The following DNAJC12 variants were observed in gnomAD, a reference collection of about 807,000 sequenced individuals.
The protein encoded by DNAJC12 is dnaJ homolog subfamily C member 12.
DNAJC12 carries 25 observed loss-of-function variants against 28.5 expected under a neutral mutation model. The observed-to-expected ratio is 0.88, with a 90% confidence interval of 0.64 to 1.22. DNAJC12 has a LOEUF of 1.22. Among genes scored for constraint, DNAJC12 ranks in the 50% most tolerant of loss-of-function variants. The probability of loss-of-function intolerance (pLI) is 0.00; values close to 1 mark genes in which losing one functional copy is unlikely to be tolerated. For synonymous variants in DNAJC12, 77 were observed against 80.6 expected, an observed-to-expected ratio of 0.95 and a Z score of 0.24; for missense variants, 222 against 231.7, an observed-to-expected ratio of 0.96 and a Z score of 0.27.
At chr10:67,829,382 T>C (rs1375153315) in intron 1 of DNAJC12, among the ~76,000 whole-genome samples, 1 of 152,180 alleles carries the variant, frequency 6.6e-6, no homozygotes, top group African/African-American at 2.4e-5. Context: ...GGCTCACGCT[T>C]GTAATCCCAG....
intron 1 of DNAJC12, among the ~76,000 whole-genome samples, chr10:67,829,843 T>C (rs1439403098): frequency 6.6e-6 from 1 of 152,056 alleles, no homozygotes; most frequent in Non-Finnish European, 1.5e-5. Context: ...CATAAAAGAT[T>C]TTTAACAACC....
At chr10:67,834,583 C>T (rs986819615) in intron 1 of DNAJC12, among the ~76,000 whole-genome samples, 11 of 152,222 alleles carry the variant, frequency 7.2e-5, no homozygotes, top group Non-Finnish European at 1.5e-4. Flanking sequence ...AATCCCAACA[C>T]TTTGGGAGGC....
At chr10:67,800,633 C>T (rs1341281656) in intron 4 of DNAJC12, among the ~76,000 whole-genome samples, 3 of 152,118 alleles carry the variant, frequency 2.0e-5, no homozygotes, top group Non-Finnish European at 4.4e-5. Context: ...GGCAGCACAC[C>T]AAAATCATTG....
At chr10:67,823,914 A>T (rs959175705) in intron 1 of DNAJC12, among the ~76,000 whole-genome samples, 17 of 152,294 alleles carry the variant, frequency 1.1e-4, no homozygotes, top group African/African-American at 3.8e-4. Flanking sequence ...AATTTAAATG[A>T]TGGCCCAAGA....
intron 1 of DNAJC12, among the ~76,000 whole-genome samples, chr10:67,836,579 G>T (rs552364314): frequency 1.2e-4 from 18 of 152,148 alleles, no homozygotes; most frequent in African/African-American, 4.1e-4. Context: ...ATGGTAATAA[G>T]CTTTCTCAAT....
chr10:67,808,201 A>G (rs543642391), intron 3 of DNAJC12, among the ~76,000 whole-genome samples: 101 of 152,354 alleles, frequency 6.6e-4, no homozygotes, highest in Non-Finnish European at 1.2e-3. Flanking sequence ...ATCAGCATCA[A>G]TAAAAGATAT....
intron 3 of DNAJC12, among the ~76,000 whole-genome samples, chr10:67,807,230 C>CA (rs1841811635): frequency 6.6e-6 from 1 of 151,742 alleles, no homozygotes; most frequent in Non-Finnish European, 1.5e-5. Flanking sequence ...CACTGCACTC[C>CA]AGCCTGGGTG....
chr10:67,814,062 A>C (rs990422962), intron 2 of DNAJC12, among the ~76,000 whole-genome samples: 6 of 151,980 alleles, frequency 3.9e-5, no homozygotes, highest in Admixed American at 1.3e-4. Context: ...TCTTGAAAAA[A>C]ATAAGAGCAA....
chr10:67,828,923 A>G (rs1434333016), intron 1 of DNAJC12, among the ~76,000 whole-genome samples: 1 of 152,116 alleles, frequency 6.6e-6, no homozygotes, highest in Non-Finnish European at 1.5e-5. Flanking sequence ...CATGCATTTC[A>G]AGGAAATCAC....
intron 2 of DNAJC12, among the ~76,000 whole-genome samples, chr10:67,812,926 G>A (rs1265989379): frequency 2.0e-5 from 3 of 152,000 alleles, no homozygotes; most frequent in Non-Finnish European, 4.4e-5. Flanking sequence ...GGAGCCTGAG[G>A]CAGGAGAATC....
chr10:67,811,359 A>G lies in DNAJC12; in HGVS notation c.297+165T>C, dbSNP rs1336707766. On this transcript the variant is annotated intron_variant, in intron 3 of 4. Coordinates refer to ENST00000225171, the MANE Select transcript of DNAJC12 (RefSeq NM_021800.3). ...CAAATTCATTGCCTTTATTCTGATG[A>G]GCTTCTCTTCATGGGATTTACGGAC... The G allele has an allele frequency of 2.7e-6, 4 of 1,466,412 alleles. No individual in the cohort carries two copies. In the African/African-American group the frequency reaches 4.3e-5, roughly 16 times the overall value. 90.8% of individuals were successfully genotyped at this position (1,466,412 alleles called of 1,614,324 possible).
chr10:67,834,288 T>G (rs1412366264), intron 1 of DNAJC12, among the ~76,000 whole-genome samples: 1 of 152,196 alleles, frequency 6.6e-6, no homozygotes, highest in East Asian at 1.9e-4. Context: ...ACAACTTTTC[T>G]GTAAGTCAAA....
At chr10:67,810,416 T>G in intron 3 of DNAJC12, among the ~76,000 whole-genome samples, 1 of 152,212 alleles carries the variant, frequency 6.6e-6, no homozygotes, top group East Asian at 1.9e-4. Flanking sequence ...GTGGCTCGTT[T>G]GAGGAATTCT....
At chr10:67,805,550 T>C in intron 4 of DNAJC12, 33 bp downstream of exon 4, 2 of 1,566,078 alleles carry the variant, frequency 1.3e-6, no homozygotes, top group Non-Finnish European at 1.7e-6. Flanking sequence ...ATTTCAGACC[T>C]TCTCCATTCT....
chr10:67,834,760 G>A (rs1842126578), intron 1 of DNAJC12, among the ~76,000 whole-genome samples: 2 of 152,148 alleles, frequency 1.3e-5, no homozygotes, highest in African/African-American at 4.8e-5. Flanking sequence ...CCAGGAGGCT[G>A]CAGTGAGCTG....
intron 2 of DNAJC12, among the ~76,000 whole-genome samples, chr10:67,816,541 TTC>T (rs368403644): frequency 4.0e-4 from 14 of 35,390 alleles, no homozygotes; most frequent in South Asian, 2.2e-3. Flanking sequence ...GAAGTTTACT[TTC>T]TTTTTTTTTT....
At chr10:67,817,179 G>T (rs1841924717) in intron 2 of DNAJC12, among the ~76,000 whole-genome samples, 1 of 152,052 alleles carries the variant, frequency 6.6e-6, no homozygotes, top group Non-Finnish European at 1.5e-5. Context: ...AATTAAAATT[G>T]CCAGCATCCA....
At chr10:67,828,665 T>TCC (rs1423562991) in intron 1 of DNAJC12, among the ~76,000 whole-genome samples, 55 of 151,210 alleles carry the variant, frequency 3.6e-4, no homozygotes, top group African/African-American at 1.2e-3. Context: ...TTTCTCTCTC[T>TCC]CTCTCTCTCT....
At chr10:67,814,409 G>A (rs1841893358) in intron 2 of DNAJC12, among the ~76,000 whole-genome samples, 2 of 151,104 alleles carry the variant, frequency 1.3e-5, no homozygotes, top group African/African-American at 2.4e-5. Context: ...TAAAAAACTG[G>A]GAAAAAAAAA....
Sources: gnomAD v4.1 joint callset for allele counts (sites outside exome capture counted in the v4.1 genomes callset) on GRCh38, gnomAD v4.1.1 for gene constraint, MANE v1.5 for transcripts, NCBI Gene and HGNC (gene_info 2026-07-23, HGNC 2026-07-21) for gene names.